PDGFD: variants seen among roughly 807,000 people sequenced by gnomAD.
The protein encoded by PDGFD is platelet derived growth factor D, also known as platelet-derived growth factor D.
Under a neutral mutation model 44.7 loss-of-function variants are expected in PDGFD, and 30 were observed. That is an observed-to-expected ratio of 0.67 (90% CI 0.50 to 0.91). The LOEUF (loss-of-function observed/expected upper bound fraction) is 0.91. Ranked by LOEUF, PDGFD falls within the 40% of genes least tolerant of loss-of-function variation. PDGFD has a pLI of 0.00. For synonymous variants in PDGFD, 173 were observed against 168.4 expected (o/e 1.03, Z -0.21); for missense variants, 445 against 457.8 (o/e 0.97, Z 0.25).
chr11:103,958,859 G>A (rs1858894690), intron 3 of PDGFD, among the ~76,000 whole-genome samples: 1 of 152,100 alleles, frequency 6.6e-6, no homozygotes, highest in South Asian at 2.1e-4. Context: ...GAAGATTAAG[G>A]CCATGTCACC....
rs1491139724 is a variant in PDGFD at position 103,956,465 on chromosome 11, A to ATGTTGTT, written c.511-8742_511-8741insAACAACA. On this transcript the variant is annotated intron_variant, in intron 3 of 6. Transcript: ENST00000393158. ...TTTTCTTAATCCAGTCTATCACATA[A>ATGTTGTT]GGACATTTGGGTTGGTTCCAAGTCT... Among the ~76,000 whole-genome samples, 64 of 62,542 alleles carry ATGTTGTT rather than the reference A, an allele frequency of 1.0e-3. 2 individuals carry two copies. The highest frequency in any genetic ancestry group is 6.8e-3 in the African/African-American group (60 of 8,798). 41.0% of individuals were successfully genotyped at this position (62,542 alleles called of 152,430 possible).
chr11:104,138,367 C>T (rs1354013855), intron 1 of PDGFD, among the ~76,000 whole-genome samples: 1 of 152,206 alleles, frequency 6.6e-6, no homozygotes, highest in Admixed American at 6.5e-5. Flanking sequence ...AAAGATTTCA[C>T]TATATAGCTC....
intron 1 of PDGFD, among the ~76,000 whole-genome samples, chr11:104,001,987 A>C (rs1363948480): frequency 6.6e-6 from 1 of 152,182 alleles, no homozygotes; most frequent in African/African-American, 2.4e-5. Context: ...GTTCAGCTAG[A>C]CTTTGTGTGG....
At chr11:103,912,283 G>T (rs9666124) in intron 6 of PDGFD, among the ~76,000 whole-genome samples, 1 of 151,928 alleles carries the variant, frequency 6.6e-6, no homozygotes, top group Non-Finnish European at 1.5e-5. Context: ...CGGATCTCCC[G>T]GCAGAAACCC....
At chr11:104,135,148 ATAACATT>A (rs67009432) in intron 1 of PDGFD, among the ~76,000 whole-genome samples, 152,062 of 152,100 alleles carry the variant, frequency 1, 76,012 homozygotes, top group Middle Eastern at 1. Context: ...TGTTAATATA[ATAACATT>A]TAACATTTAA....
chr11:104,079,383 T>C (rs1361090372), intron 1 of PDGFD, among the ~76,000 whole-genome samples: 2 of 152,098 alleles, frequency 1.3e-5, no homozygotes, highest in Non-Finnish European at 2.9e-5. Flanking sequence ...TCTTTTCTTT[T>C]CTTTTCTTTC....
chr11:103,947,767 T>C, intron 3 of PDGFD, 43 bp from the exon 4 acceptor site: 1 of 1,414,808 alleles, frequency 7.1e-7, no homozygotes, highest in South Asian at 1.1e-5. Flanking sequence ...AAACCTCTGT[T>C]CAATTCATTA....
At chr11:104,038,037 C>T (rs752941008) in intron 1 of PDGFD, 1 of 1,586,018 alleles carries the variant, frequency 6.3e-7, no homozygotes, top group African/African-American at 1.4e-5. Flanking sequence ...TATGTTACCA[C>T]CTTGAGGGAG....
At chr11:104,122,650 C>T (rs552083383) in intron 1 of PDGFD, among the ~76,000 whole-genome samples, 1 of 151,902 alleles carries the variant, frequency 6.6e-6, no homozygotes, top group Non-Finnish European at 1.5e-5. Context: ...AAAGGAACCT[C>T]GGGTATAACC....
chr11:104,089,512 T>A (rs938653575), intron 1 of PDGFD, among the ~76,000 whole-genome samples: 1 of 152,076 alleles, frequency 6.6e-6, no homozygotes, highest in African/African-American at 2.4e-5. Flanking sequence ...TAGGAAAAAA[T>A]TAATTGTAAG....
At chr11:104,069,743 C>T (rs924508828) in intron 1 of PDGFD, among the ~76,000 whole-genome samples, 1 of 152,182 alleles carries the variant, frequency 6.6e-6, no homozygotes, top group Non-Finnish European at 1.5e-5. Flanking sequence ...GCCTGTAGTC[C>T]CAGCTACTCA....
rs554140552 is a variant in PDGFD, at chr11:104,116,338, G to C, written c.124+47466C>G. 2.0e-5 allele frequency among the ~76,000 whole-genome samples: 3 copies of C among 152,170 alleles called. No individual in the cohort carries two copies. The South Asian group carries it at 6.2e-4, about 32-fold the overall frequency. The stretch of plus-strand genomic sequence containing the variant: ...TTGCTTTGTCGAAGATCAGTTGACT[G>C]TAAGTATTTGGGTTTATTTCTGGGT... On this transcript the variant is annotated intron_variant, in intron 1 of 6. Transcript: ENST00000393158.
chr11:104,108,813 G>A (rs1591167756), intron 1 of PDGFD, among the ~76,000 whole-genome samples: 2 of 152,030 alleles, frequency 1.3e-5, no homozygotes, highest in African/African-American at 2.4e-5. Flanking sequence ...AATGTCCATC[G>A]ACGATAGACT....
chr11:104,037,082 G>T (rs1386949019), intron 1 of PDGFD: 1 of 1,614,214 alleles, frequency 6.2e-7, no homozygotes, highest in South Asian at 1.1e-5. Flanking sequence ...GCTCCAGGGC[G>T]TGCCCCGAAC....
chr11:104,103,171 T>C (rs74637819), intron 1 of PDGFD, among the ~76,000 whole-genome samples: 8,416 of 152,198 alleles, frequency 0.055, 365 homozygotes, highest in African/African-American at 0.12. Context: ...AGTGGCAATA[T>C]TCATAATTTC....
intron 1 of PDGFD, among the ~76,000 whole-genome samples, chr11:104,149,509 G>A (rs1013050630): frequency 3.9e-5 from 6 of 152,186 alleles, no homozygotes; most frequent in African/African-American, 1.4e-4. Context: ...GGTAGGTTAA[G>A]TCAAGGAATA....
chr11:104,143,987 T>C (rs1323855751), intron 1 of PDGFD, among the ~76,000 whole-genome samples: 1 of 144,342 alleles, frequency 6.9e-6, no homozygotes, highest in Non-Finnish European at 1.5e-5. Flanking sequence ...GGAATGGATG[T>C]CATCTCATCT....
chr11:103,931,679 C>T (rs1198693376), intron 5 of PDGFD, among the ~76,000 whole-genome samples: 1 of 152,076 alleles, frequency 6.6e-6, no homozygotes, highest in Non-Finnish European at 1.5e-5. Flanking sequence ...TTCCGCCTCC[C>T]AGGTTTAAGC....
intron 1 of PDGFD, among the ~76,000 whole-genome samples, chr11:104,127,249 T>C (rs12277041): frequency 0.058 from 8,804 of 152,188 alleles, 469 homozygotes; most frequent in African/African-American, 0.14. Flanking sequence ...CACATTTTGC[T>C]GCACATTGGA....
Sources: gnomAD v4.1 joint callset for allele counts (sites outside exome capture counted in the v4.1 genomes callset) on GRCh38, gnomAD v4.1.1 for gene constraint, MANE v1.5 for transcripts, NCBI Gene and HGNC (gene_info 2026-07-23, HGNC 2026-07-21) for gene names.